The following PODXL2 variants were observed in gnomAD, a reference collection of about 807,000 sequenced individuals.
PODXL2 encodes podocalyxin like 2.
PODXL2 carries 17 observed loss-of-function variants against 53.4 expected under a neutral mutation model. That is an observed-to-expected ratio of 0.32 (90% CI 0.22 to 0.48). PODXL2 has a LOEUF of 0.48. Ranked by LOEUF, PODXL2 falls within the 20% of genes least tolerant of loss-of-function variation. PODXL2 has a pLI of 0.99. For missense variants in PODXL2, 673 were observed against 760.0 expected (o/e 0.89, Z 1.35); for synonymous variants, 311 against 306.7 (o/e 1.01, Z -0.15).
chr3:127,636,747 C>T (rs1358131252), intron 1 of PODXL2, among the ~76,000 whole-genome samples: 1 of 152,254 alleles, frequency 6.6e-6, no homozygotes, highest in Non-Finnish European at 1.5e-5. Flanking sequence ...GAGCAGTCCT[C>T]AGGAGCACTG....
intron 3 of PODXL2, among the ~76,000 whole-genome samples, chr3:127,661,992 TC>T (rs1236200071): frequency 6.6e-6 from 1 of 152,120 alleles, no homozygotes; most frequent in Non-Finnish European, 1.5e-5. Flanking sequence ...GTCCCCTACT[TC>T]CTGGGAATAA....
At chr3:127,650,478 T>TA (rs897403171) in intron 2 of PODXL2, among the ~76,000 whole-genome samples, 1 of 152,138 alleles carries the variant, frequency 6.6e-6, no homozygotes, top group African/African-American at 2.4e-5. Context: ...GAGCTCAGCT[T>TA]ACCAGCTGTG....
At chr3:127,659,246 G>T (rs1274270035) in intron 2 of PODXL2, among the ~76,000 whole-genome samples, 4 of 152,064 alleles carry the variant, frequency 2.6e-5, no homozygotes, top group African/African-American at 7.2e-5. Flanking sequence ...CTAACTCTGG[G>T]TAAGAAAGCC....
intron 2 of PODXL2, among the ~76,000 whole-genome samples, chr3:127,654,100 A>G (rs879904701): frequency 2.6e-5 from 4 of 152,228 alleles, no homozygotes; most frequent in Non-Finnish European, 4.4e-5. Context: ...ATAGTCCACT[A>G]TCCGGTCCAG....
intron 2 of PODXL2, among the ~76,000 whole-genome samples, chr3:127,639,742 G>A (rs539668351): frequency 6.6e-6 from 1 of 152,278 alleles, no homozygotes; most frequent in East Asian, 1.9e-4. Context: ...ACTGTTTAGG[G>A]AGCCTTTATT....
At position 127,635,138 on chromosome 3, in the gene PODXL2, C is replaced by T. The variant is rs554155478; in HGVS notation, c.71-4107C>T. On this transcript the variant is annotated intron_variant, in intron 1 of 7. Coordinates refer to ENST00000342480, the MANE Select transcript of PODXL2 (RefSeq NM_015720.4). The stretch of plus-strand genomic sequence containing the variant: ...AACTGAACACATGTTCCTGAGATCC[C>T]GGTGTTGTTATTTCCTCCAGCCTCC... 1.4e-4 allele frequency among the ~76,000 whole-genome samples: 21 copies of T among 152,292 alleles called. No individual in the cohort carries two copies. In the South Asian group the frequency reaches 1.5e-3, roughly 11 times the overall value.
chr3:127,655,752 C>T (rs76803498), intron 2 of PODXL2, among the ~76,000 whole-genome samples: 1,666 of 152,344 alleles, frequency 0.011, 37 homozygotes, highest in African/African-American at 0.034. Context: ...AGTGATTTGT[C>T]AAGTCACTGG....
intron 2 of PODXL2, among the ~76,000 whole-genome samples, chr3:127,643,418 CA>C: frequency 6.6e-6 from 1 of 152,134 alleles, no homozygotes; most frequent in South Asian, 2.1e-4. Context: ...CTATGTTGGC[CA>C]GGCTGGTTTC....
chr3:127,667,890 G>C (rs2074803792), intron 4 of PODXL2, among the ~76,000 whole-genome samples: 1 of 152,190 alleles, frequency 6.6e-6, no homozygotes, highest in South Asian at 2.1e-4. Flanking sequence ...TGCGATGACA[G>C]GCGAGAGGAG....
chr3:127,663,126 A>C (rs2074777575), intron 4 of PODXL2, among the ~76,000 whole-genome samples: 1 of 152,180 alleles, frequency 6.6e-6, no homozygotes, highest in African/African-American at 2.4e-5. Context: ...GCCAGGGAGA[A>C]GGGACATTTC....
chr3:127,654,312 G>T (rs1236706126), intron 2 of PODXL2, among the ~76,000 whole-genome samples: 3 of 152,150 alleles, frequency 2.0e-5, no homozygotes, highest in Non-Finnish European at 4.4e-5. Context: ...GCATATTGTG[G>T]ACGTGATGCT....
intron 7 of PODXL2, 115 bp downstream of exon 7, chr3:127,671,728 G>A (rs1252991643): frequency 2.0e-6 from 2 of 1,007,210 alleles, no homozygotes; most frequent in South Asian, 1.4e-5. Context: ...GGTCCCGTGG[G>A]TGAAGCAGCT....
intron 1 of PODXL2, among the ~76,000 whole-genome samples, chr3:127,630,294 T>A (rs1264729427): frequency 6.6e-6 from 1 of 152,208 alleles, no homozygotes; most frequent in Admixed American, 6.5e-5. Context: ...AAGGTGTGAC[T>A]GGTGCTGCTG....
chr3:127,661,633 C>T (rs1164446187), intron 3 of PODXL2, among the ~76,000 whole-genome samples: 1 of 152,078 alleles, frequency 6.6e-6, no homozygotes, highest in African/African-American at 2.4e-5. Flanking sequence ...GACAGGGTTT[C>T]ACCATGTTGG....
At chr3:127,668,097 G>A (rs2074805284) in intron 4 of PODXL2, among the ~76,000 whole-genome samples, 1 of 124,852 alleles carries the variant, frequency 8.0e-6, no homozygotes, top group Non-Finnish European at 1.7e-5. Flanking sequence ...ACTGTACATG[G>A]CTGCGTGTGT....
intron 6 of PODXL2, 86 bp downstream of exon 6, chr3:127,669,288 T>A (rs2074815891): frequency 2.2e-6 from 2 of 921,044 alleles, no homozygotes; most frequent in African/African-American, 3.3e-5. Context: ...TCTGCCCACA[T>A]CGTGAGGTTC....
In PODXL2 at chr3:127,661,233, G is replaced by A. The variant is rs943436569; in HGVS notation, c.1131+74G>A. ...CCTGGCCATCCCCAGGGCTAGTGTG[G>A]CATGGGGGCAGGATCTGCCAGGTTG... is the stretch of plus-strand genomic sequence containing the variant. On this transcript the variant is annotated intron_variant, in intron 3 of 7. Transcript: ENST00000342480. 1.4e-5 allele frequency: 16 copies of A among 1,166,768 alleles called. No homozygotes were observed. The East Asian group carries it at 4.0e-4, about 29-fold the overall frequency. The allele number at this position is 1,166,768 out of a possible 1,614,324, so 72.3% of individuals were successfully genotyped here.
rs1227341540 is a variant in PODXL2 at position 127,662,351 on chromosome 3, G to A, written c.1206+40G>A. The A allele has an allele frequency of 1.9e-6, 3 of 1,543,076 alleles. No homozygotes were observed. In the Admixed American group the frequency reaches 5.2e-5, roughly 27 times the overall value. On this transcript the variant is annotated intron_variant, in intron 4 of 7. Transcript: ENST00000342480. ...AGGCTCCGAACCGCAGGGAAAGGCT[G>A]CAGGCAGTGGACAGGGTGGGGCAGA...
intron 2 of PODXL2, among the ~76,000 whole-genome samples, chr3:127,641,736 G>A (rs1434358213): frequency 1.3e-5 from 2 of 150,286 alleles, no homozygotes; most frequent in Non-Finnish European, 3.0e-5. Context: ...GGCTAGTCTC[G>A]AACTCCTGAC....
Sources: allele counts gnomAD v4.1 joint callset (sites outside exome capture counted in the v4.1 genomes callset), GRCh38; gene constraint gnomAD v4.1.1; transcripts MANE v1.5; gene names NCBI Gene and HGNC (gene_info 2026-07-23, HGNC 2026-07-21).